Variants in LMBRD1 observed in about 807,000 individuals in gnomAD.
The protein encoded by LMBRD1 is LMBR1 domain containing 1, also known as lysosomal cobalamin transport escort protein LMBD1.
In LMBRD1, 64 loss-of-function variants were observed where a neutral mutation model predicts 74.8. The ratio of observed to expected loss-of-function variants is 0.86; its 90% CI spans 0.70 to 1.05. The LOEUF (loss-of-function observed/expected upper bound fraction) is 1.05. Among genes scored for constraint, LMBRD1 ranks in the 50% least tolerant of loss-of-function variants. LMBRD1 has a pLI of 0.00. For missense variants in LMBRD1, 652 were observed against 645.9 expected, an observed-to-expected ratio of 1.01 and a Z score of -0.10; for synonymous variants, 204 against 216.3, an observed-to-expected ratio of 0.94 and a Z score of 0.50.
intron 3 of LMBRD1, among the ~76,000 whole-genome samples, chr6:69,774,987 A>AGGGAGGGAGGGAGGGAGGGAGGGAGGG (rs1765663433): frequency 4.3e-5 from 1 of 23,314 alleles, no homozygotes; most frequent in African/African-American, 2.1e-4. Context: ...GGAAGGAAGG[A>AGGGAGGGAGGGAGGGAGGGAGGGAGGG]AGGGAGGGAG....
chr6:69,733,282 A>C (rs746483698), intron 7 of LMBRD1, among the ~76,000 whole-genome samples: 9 of 152,172 alleles, frequency 5.9e-5, no homozygotes, highest in Non-Finnish European at 1.2e-4. Context: ...TCTAGTCCTC[A>C]TGCATATTTT....
chr6:69,676,126 C>A lies in LMBRD1; in HGVS notation c.*32G>T. 1 of 1,509,732 alleles carries A rather than the reference C, an allele frequency of 6.6e-7. No homozygotes were observed. The highest frequency in any genetic ancestry group is 9.2e-7 in the Non-Finnish European group (1 of 1,085,646). The allele number at this position is 1,509,732 out of a possible 1,614,324, so 93.5% of individuals were successfully genotyped here. A position where few individuals can be genotyped will look rare whatever the true frequency, so the allele number is the denominator to read the frequency against. ...TAAAAATGCATAACAGATATTCAGT[C>A]AGCATTATAAAACCTTTAAGACAGA... On this transcript the variant is annotated 3_prime_UTR_variant, in exon 16 of 16. Coordinates refer to ENST00000649934, the MANE Select transcript of LMBRD1 (RefSeq NM_018368.4).
Position 69,737,953 on chromosome 6 carries a change from T to A in LMBRD1, c.625A>T (p.Ile209Leu). Residue 209 changes from isoleucine (I) to leucine (L), a missense_variant, in exon 7 of 16, where the codon ATA becomes TTA. By Grantham distance (5) the Ile-to-Leu change is conservative. Coordinates refer to ENST00000649934, the MANE Select transcript of LMBRD1 (RefSeq NM_018368.4). Reference protein sequence around the residue: ...SLTLIGMLAAITYTAYGMSAL... With the variant: ...SLTLIGMLAALTYTAYGMSAL... Reference sequence around the variant, plus strand: ...CCCATTTCACTTACTGTGTAAGTTATAGCTGCCAACATTCCAATCAAGGTC... The same window carrying A: ...CCCATTTCACTTACTGTGTAAGTTAAAGCTGCCAACATTCCAATCAAGGTC... The A allele has an allele frequency of 1.2e-6, 2 of 1,610,192 alleles. No homozygotes were observed. Among genetic ancestry groups the A allele is most frequent in the Non-Finnish European group, 1.7e-6 (2 of 1,177,380 alleles).
intron 7 of LMBRD1, among the ~76,000 whole-genome samples, chr6:69,735,060 C>A (rs1214628694): frequency 6.6e-6 from 1 of 152,186 alleles, no homozygotes; most frequent in African/African-American, 2.4e-5. Context: ...TATTGTTATG[C>A]ACTTGTATGT....
rs149536896 is a variant in LMBRD1 at position 69,716,034 on chromosome 6, T to G, written c.763-2237A>C. ...GTCTACCATTGATGAGCATTTAGGT[T>G]GATTCCATGTCTTTGCTATTGTGAA... On this transcript the variant is annotated intron_variant, in intron 8 of 15. Transcript: ENST00000649934. 3.5e-3 allele frequency among the ~76,000 whole-genome samples: 532 copies of G among 152,328 alleles called. 1 individual carries two copies. The highest frequency in any genetic ancestry group is 0.012 in the African/African-American group (514 of 41,572).
At position 69,719,099 on chromosome 6, in the gene LMBRD1, G is replaced by T; in HGVS notation, c.637-18C>A. 2 of 1,607,200 alleles carry T rather than the reference G, an allele frequency of 1.2e-6. No homozygotes were observed. Among genetic ancestry groups the T allele is most frequent in the Non-Finnish European group, 1.7e-6 (2 of 1,175,410 alleles). ...CCATAGGCCTAAAAGAAAAACAATT[G>T]AAATGTTTTAGAAATAATGTTTCAA... On this transcript the variant is annotated intron_variant, in intron 7 of 15. Transcript: ENST00000649934.
chr6:69,678,147 A>G (rs767685297), intron 14 of LMBRD1, among the ~76,000 whole-genome samples: 16 of 152,186 alleles, frequency 1.1e-4, no homozygotes. Context: ...AGATTGACAC[A>G]TATTTTGTAT....
intron 5 of LMBRD1, among the ~76,000 whole-genome samples, chr6:69,742,292 A>G (rs1483525476): frequency 6.6e-6 from 1 of 152,190 alleles, no homozygotes; most frequent in East Asian, 1.9e-4. Flanking sequence ...CAAAAGAAAT[A>G]CATTAGAATA....
chr6:69,727,938 T>C (rs1174230580), intron 7 of LMBRD1, among the ~76,000 whole-genome samples: 2 of 152,180 alleles, frequency 1.3e-5, no homozygotes, highest in Non-Finnish European at 2.9e-5. Context: ...CTCTGATTAA[T>C]ATATAGTATT....
chr6:69,684,633 G>A (rs1765725272), intron 14 of LMBRD1, among the ~76,000 whole-genome samples: 2 of 152,012 alleles, frequency 1.3e-5, no homozygotes, highest in Non-Finnish European at 2.9e-5. Flanking sequence ...TTTTACCCTA[G>A]TAAAACTAAG....
intron 3 of LMBRD1, among the ~76,000 whole-genome samples, chr6:69,763,824 G>C (rs115998801): frequency 0.011 from 1,649 of 152,230 alleles, 27 homozygotes; most frequent in African/African-American, 0.037. Flanking sequence ...TGCATTGCTA[G>C]GTTTTTTACT....
intron 1 of LMBRD1, among the ~76,000 whole-genome samples, chr6:69,795,676 C>T (rs1004073724): frequency 6.6e-6 from 1 of 152,226 alleles, no homozygotes; most frequent in Non-Finnish European, 1.5e-5. Context: ...GGTTTCATTT[C>T]CTCCAAGAGA....
At chr6:69,745,041 G>A (rs1244472031) in intron 5 of LMBRD1, among the ~76,000 whole-genome samples, 1 of 151,300 alleles carries the variant, frequency 6.6e-6, no homozygotes, top group Non-Finnish European at 1.5e-5. Context: ...TCACCATGTT[G>A]GCCAGCATGG....
At chr6:69,754,285 A>T (rs1193281039) in intron 3 of LMBRD1, among the ~76,000 whole-genome samples, 2 of 95,956 alleles carry the variant, frequency 2.1e-5, no homozygotes, top group Non-Finnish European at 3.7e-5. Context: ...TTAAGATGGT[A>T]AAAAAAAAAT....
At chr6:69,774,146 C>T (rs966990555) in intron 3 of LMBRD1, among the ~76,000 whole-genome samples, 1 of 152,144 alleles carries the variant, frequency 6.6e-6, no homozygotes, top group South Asian at 2.1e-4. Flanking sequence ...GGGTATTTCC[C>T]ATGCTGTTCT....
At chr6:69,697,025 GAA>G (rs958991895) in intron 14 of LMBRD1, among the ~76,000 whole-genome samples, 1 of 135,054 alleles carries the variant, frequency 7.4e-6, no homozygotes, top group Non-Finnish European at 1.6e-5. Flanking sequence ...AACTCACATA[GAA>G]AAAAAAAAAA....
intron 6 of LMBRD1, among the ~76,000 whole-genome samples, chr6:69,738,849 A>T (rs1482240173): frequency 2.0e-5 from 3 of 152,144 alleles, no homozygotes; most frequent in Non-Finnish European, 2.9e-5. Context: ...AATCAAATAC[A>T]AAGTTTTGAT....
intron 2 of LMBRD1, among the ~76,000 whole-genome samples, chr6:69,783,974 C>CA (rs1765892491): frequency 1.3e-5 from 2 of 152,150 alleles, no homozygotes; most frequent in African/African-American, 4.8e-5. Flanking sequence ...CTTGTGGCAA[C>CA]AGGAGTATTG....
chr6:69,681,957 A>G (rs1765672070), intron 14 of LMBRD1, among the ~76,000 whole-genome samples: 1 of 151,912 alleles, frequency 6.6e-6, no homozygotes, highest in African/African-American at 2.4e-5. Flanking sequence ...AAGTAGAAAG[A>G]GGTTTACCAA....
Sources: gnomAD v4.1 joint callset for allele counts (sites outside exome capture counted in the v4.1 genomes callset) on GRCh38, gnomAD v4.1.1 for gene constraint, MANE v1.5 for transcripts, NCBI Gene and HGNC (gene_info 2026-07-23, HGNC 2026-07-21) for gene names.